Variants in SETD2 observed in about 807,000 individuals in gnomAD.
SETD2 encodes the protein SET domain containing 2, histone lysine methyltransferase.
A neutral mutation model predicts 242.1 loss-of-function variants in SETD2; 31 were observed. The ratio of observed to expected loss-of-function variants is 0.13; its 90% CI spans 0.10 to 0.17. The LOEUF (loss-of-function observed/expected upper bound fraction) is 0.17, where lower values mean the gene tolerates loss of function less well. SETD2 is among the 10% of genes least tolerant of loss of function. The pLI, the probability that SETD2 is intolerant of heterozygous loss-of-function variation, is 1.00. For synonymous variants in SETD2, 1,006 were observed against 1,066.5 expected, an observed-to-expected ratio of 0.94 and a Z score of 1.11; for missense variants, 2,481 against 3,046.3, an observed-to-expected ratio of 0.81 and a Z score of 4.37.
At chr3:47,128,086 C>A (rs2043388771) in intron 1 of SETD2, among the ~76,000 whole-genome samples, 1 of 152,116 alleles carries the variant, frequency 6.6e-6, no homozygotes, top group African/African-American at 2.4e-5. Flanking sequence ...AGGTGTAAGG[C>A]AGAAAGAAGC....
chr3:47,040,086 C>T (rs1389446437), intron 17 of SETD2, among the ~76,000 whole-genome samples: 2 of 151,668 alleles, frequency 1.3e-5, no homozygotes, highest in South Asian at 2.1e-4. Flanking sequence ...AAGTAATTCT[C>T]CCGCCTCTCG....
chr3:47,075,234 A>T (rs1375305570), intron 12 of SETD2, among the ~76,000 whole-genome samples: 1 of 152,010 alleles, frequency 6.6e-6, no homozygotes, highest in African/African-American at 2.4e-5. Flanking sequence ...ATTCAGACTT[A>T]TTATAGTTTC....
intron 18 of SETD2, among the ~76,000 whole-genome samples, chr3:47,028,170 G>A (rs1325440154): frequency 1.3e-5 from 2 of 152,162 alleles, no homozygotes; most frequent in Non-Finnish European, 2.9e-5. Context: ...TGGACATTAA[G>A]CAGCACTAAA....
rs1261037579 is a variant in SETD2, at chr3:47,017,821, TAGTG to T, written c.7432-86_7432-83del. On this transcript the variant is annotated intron_variant, in intron 19 of 20. Coordinates refer to ENST00000409792, the MANE Select transcript of SETD2 (RefSeq NM_014159.7). This position sits in a 1 kb window ranked among gnomAD's most constrained non-coding sequence, Gnocchi z 4.8. Reference sequence around the variant, plus strand: ...GTACTGAGGAAATAACTAGAAAAGGTAGTGAGTAAAGCCAGCCAATCCTTCTCCT... The same window carrying T: ...GTACTGAGGAAATAACTAGAAAAGGTAGTAAAGCCAGCCAATCCTTCTCCT... 3.0e-6 allele frequency: 3 copies of T among 1,014,268 alleles called. No homozygotes were observed. Among genetic ancestry groups the T allele is most frequent in the Non-Finnish European group, 4.7e-6 (3 of 638,588 alleles). The allele number at this position is 1,014,268 out of a possible 1,614,324, so 62.8% of individuals were successfully genotyped here.
intron 1 of SETD2, among the ~76,000 whole-genome samples, chr3:47,127,290 C>G (rs1005755353): frequency 6.7e-6 from 1 of 149,532 alleles, no homozygotes; most frequent in Non-Finnish European, 1.5e-5. Flanking sequence ...CCCAGGAGGT[C>G]GAGGCTGCAG....
rs1253430008 is a variant in SETD2 at position 47,119,816 on chromosome 3, C to T, written c.4454+366G>A. On this transcript the variant is annotated intron_variant, in intron 3 of 20. Coordinates refer to ENST00000409792, the MANE Select transcript of SETD2 (RefSeq NM_014159.7). The stretch of plus-strand genomic sequence containing the variant: ...TTGAAAATAAAATCCAAAGTAACCA[C>T]TTTTTTCTTCTCTAAGTACAGATTA... The T allele has an allele frequency of 1.7e-5, 8 of 479,832 alleles. No individual in the cohort carries two copies. In the East Asian group the frequency reaches 5.3e-4, roughly 32 times the overall value. 29.7% of individuals were successfully genotyped at this position (479,832 alleles called of 1,614,324 possible). A position where few individuals can be genotyped will look rare whatever the true frequency, so the allele number is the denominator to read the frequency against.
chr3:47,069,742 A>G (rs997976840), intron 12 of SETD2, among the ~76,000 whole-genome samples: 2 of 152,166 alleles, frequency 1.3e-5, no homozygotes, highest in South Asian at 2.1e-4. Flanking sequence ...TGAGTTGTCA[A>G]TTTCTAGCTG....
intron 12 of SETD2, among the ~76,000 whole-genome samples, chr3:47,079,358 T>G (rs996991789): frequency 6.6e-6 from 1 of 152,164 alleles, no homozygotes; most frequent in Non-Finnish European, 1.5e-5. Context: ...AGCTTGGAAA[T>G]TCTATAATGT....
chr3:47,138,807 CT>C lies in SETD2; in HGVS notation c.72-12145del, dbSNP rs1466793011. On this transcript the variant is annotated intron_variant, in intron 1 of 20. Coordinates refer to ENST00000409792, the MANE Select transcript of SETD2 (RefSeq NM_014159.7). ...TCTCAAATTCCTGGTCTCAAGTGAT[CT>C]GCCCACCTCAGCCTCCCAAAGTGCT... Among the ~76,000 whole-genome samples the C allele has an allele frequency of 2.0e-5, 3 of 152,048 alleles. No individual in the cohort carries two copies. The East Asian group carries it at 5.8e-4, about 29-fold the overall frequency.
chr3:47,091,967 G>A (rs1009690869), intron 9 of SETD2, among the ~76,000 whole-genome samples: 1 of 151,686 alleles, frequency 6.6e-6, no homozygotes, highest in African/African-American at 2.4e-5. Flanking sequence ...AAAAAAAGAG[G>A]TATTTTCTTT....
chr3:47,100,310 G>A (rs1424458626), intron 8 of SETD2, among the ~76,000 whole-genome samples: 1 of 151,760 alleles, frequency 6.6e-6, no homozygotes, highest in Non-Finnish European at 1.5e-5. Flanking sequence ...ACCCAGGCTG[G>A]AGTGCAACAG....
At position 47,154,410 on chromosome 3, in the gene SETD2, A is replaced by AAAAG. The variant is rs561016211; in HGVS notation, c.71+9440_71+9443dup. 1.9e-3 allele frequency among the ~76,000 whole-genome samples: 296 copies of AAAAG among 152,230 alleles called. 1 individual carries two copies. The highest frequency in any genetic ancestry group is 2.9e-3 in the Non-Finnish European group (196 of 68,012). ...GGCAAGAGAGCGAGACTCCATATCA[A>AAAAG]AAAGAAAGAAAGAAAGAAAGATAAG... On this transcript the variant is annotated intron_variant, in intron 1 of 20. Coordinates refer to ENST00000409792, the MANE Select transcript of SETD2 (RefSeq NM_014159.7).
At position 47,057,201 on chromosome 3, in the gene SETD2, C is replaced by T; in HGVS notation, c.6583G>A (p.Asp2195Asn). The T allele has an allele frequency of 6.2e-7, 1 of 1,614,202 alleles. No homozygotes were observed. Among genetic ancestry groups the T allele is most frequent in the South Asian group, 1.1e-5 (1 of 91,074 alleles). ...GKVLLPTPSMDPVCSPAPYDH... is the reference protein window; with the variant it reads ...GKVLLPTPSMNPVCSPAPYDH... Reference sequence around the variant, plus strand: ...TAAGGAGCAGGAGAACACACTGGGTCCATGCTGGGTGTGGGCAGGAGCACC... The same window carrying T: ...TAAGGAGCAGGAGAACACACTGGGTTCATGCTGGGTGTGGGCAGGAGCACC... Residue 2195 changes from aspartate (D) to asparagine (N), a missense_variant, in exon 15 of 21, where the codon GAC (aspartate) becomes AAC (asparagine). Physicochemically the swap from Asp to Asn is conservative, Grantham distance 23. Coordinates refer to ENST00000409792, the MANE Select transcript of SETD2 (RefSeq NM_014159.7).
intron 18 of SETD2, among the ~76,000 whole-genome samples, chr3:47,030,683 A>G (rs569513419): frequency 6.6e-6 from 1 of 152,294 alleles, no homozygotes; most frequent in Non-Finnish European, 1.5e-5. Flanking sequence ...AAAGATAATT[A>G]TATTTTTATT....
At position 47,131,862 on chromosome 3, in the gene SETD2, C is replaced by T. The variant is rs1319509595; in HGVS notation, c.72-5199G>A. ...GCGTGACCTCAGCTCACTGCAACCT[C>T]CACCTCCTGGGTTCAAGCAATTCTC... On this transcript the variant is annotated intron_variant, in intron 1 of 20. Transcript: ENST00000409792. Among the ~76,000 whole-genome samples the T allele has an allele frequency of 2.0e-5, 3 of 151,648 alleles. No homozygotes were observed. In the East Asian group the frequency reaches 5.8e-4, roughly 30 times the overall value.
chr3:47,026,961 AAAAT>A (rs1352535738), intron 18 of SETD2, among the ~76,000 whole-genome samples: 5 of 152,126 alleles, frequency 3.3e-5, no homozygotes, highest in African/African-American at 4.8e-5. Context: ...ATATATATAT[AAAAT>A]AAATAAATAA....
chr3:47,114,552 G>A (rs1559734675), intron 4 of SETD2, among the ~76,000 whole-genome samples: 1 of 152,100 alleles, frequency 6.6e-6, no homozygotes, highest in Non-Finnish European at 1.5e-5. Flanking sequence ...CTTAATATGT[G>A]ATAGATATAA....
chr3:47,106,180 ATGC>A, intron 5 of SETD2, 60 bp from the exon 6 acceptor site: 1 of 1,457,470 alleles, frequency 6.9e-7, no homozygotes, highest in South Asian at 1.2e-5. Context: ...GAAAACATAT[ATGC>A]TCAGGCAAAA....
At chr3:47,114,153 T>C in intron 4 of SETD2, 149 bp from the exon 5 acceptor site, 1 of 736,880 alleles carries the variant, frequency 1.4e-6, no homozygotes, top group Non-Finnish European at 2.1e-6. Flanking sequence ...AAGTCTTCCT[T>C]TCCTTCCATC....
Sources: gnomAD v4.1 joint callset for allele counts (sites outside exome capture counted in the v4.1 genomes callset) on GRCh38, gnomAD v4.1.1 for gene constraint, Gnocchi (gnomAD v3.1) non-coding constraint, MANE v1.5 for transcripts, NCBI Gene and HGNC (gene_info 2026-07-23, HGNC 2026-07-21) for gene names.